Variants in TM9SF3 observed in about 807,000 individuals in gnomAD.
TM9SF3 encodes SM-11044-binding protein.
Under a neutral mutation model 78.6 loss-of-function variants are expected in TM9SF3, and 14 were observed. The ratio of observed to expected loss-of-function variants is 0.18; its 90% CI spans 0.12 to 0.28. The LOEUF (loss-of-function observed/expected upper bound fraction) is 0.28, where lower values mean the gene tolerates loss of function less well. Among genes scored for constraint, TM9SF3 ranks in the 10% least tolerant of loss-of-function variants. TM9SF3 has a pLI of 1.00. For missense variants in TM9SF3, 496 were observed against 721.9 expected (o/e 0.69, Z 3.59); for synonymous variants, 231 against 241.7 (o/e 0.96, Z 0.41).
At position 96,527,337 on chromosome 10, in the gene TM9SF3, T is replaced by G. The variant is rs10786298; in HGVS notation, c.1626-48A>C. 19 of 1,591,032 alleles carry G rather than the reference T, an allele frequency of 1.2e-5. 1 individual carries two copies. In the African/African-American group the frequency reaches 1.8e-4, roughly 15 times the overall value. On this transcript the variant is annotated intron_variant, in intron 13 of 14. Coordinates refer to ENST00000371142, the MANE Select transcript of TM9SF3 (RefSeq NM_020123.4). ...TAGGATATCCAGTTTTACTTTCAAC[T>G]TAAGGCCTTAAATATTAGTATTTAA... is the stretch of plus-strand genomic sequence containing the variant.
At position 96,537,631 on chromosome 10, in the gene TM9SF3, G is replaced by A. The variant is rs925005208; in HGVS notation, c.1186-4441C>T. On this transcript the variant is annotated intron_variant, in intron 9 of 14. Coordinates refer to ENST00000371142, the MANE Select transcript of TM9SF3 (RefSeq NM_020123.4). The stretch of plus-strand genomic sequence containing the variant: ...GCGGATCACCTAAGGTCAGGAGTTC[G>A]AGGCAAGCCTGGCCAACATGGTGAA... 2.0e-5 allele frequency among the ~76,000 whole-genome samples: 3 copies of A among 152,166 alleles called. No homozygotes were observed. The East Asian group carries it at 5.8e-4, about 29-fold the overall frequency.
At chr10:96,571,883 G>A (rs751448674) in intron 2 of TM9SF3, among the ~76,000 whole-genome samples, 2 of 152,264 alleles carry the variant, frequency 1.3e-5, no homozygotes, top group Middle Eastern at 3.4e-3. Context: ...GGGGAAGGAC[G>A]GATGGGTGGT....
rs1426954051 is a variant in TM9SF3 at position 96,521,634 on chromosome 10, T to C, written c.*629A>G. ...AGTTTTAAGATAAATAAATGGGAAG[T>C]TGGTCCAACTAAGATGACAGCAGAT... On this transcript the variant is annotated 3_prime_UTR_variant, in exon 15 of 15. Coordinates refer to ENST00000371142, the MANE Select transcript of TM9SF3 (RefSeq NM_020123.4). 2.6e-5 allele frequency: 4 copies of C among 151,610 alleles called. No homozygotes were observed. The highest frequency in any genetic ancestry group is 7.3e-5 in the African/African-American group (3 of 41,266). 9.4% of individuals were successfully genotyped at this position (151,610 alleles called of 1,614,324 possible). A position where few individuals can be genotyped will look rare whatever the true frequency, so the allele number is the denominator to read the frequency against.
At position 96,540,503 on chromosome 10, in the gene TM9SF3, G is replaced by A. The variant is rs140228166; in HGVS notation, c.1185+3573C>T. On this transcript the variant is annotated intron_variant, in intron 9 of 14. Coordinates refer to ENST00000371142, the MANE Select transcript of TM9SF3 (RefSeq NM_020123.4). ...ACTCCTGTACAATCAACTGCCTTGCGTATCTTAGGCTTCACTTCCCTCTTA... is the reference window on the plus strand; with the variant it reads ...ACTCCTGTACAATCAACTGCCTTGCATATCTTAGGCTTCACTTCCCTCTTA... Among the ~76,000 whole-genome samples the A allele has an allele frequency of 2.0e-5, 3 of 152,112 alleles. No individual in the cohort carries two copies. In the East Asian group the frequency reaches 5.8e-4, roughly 29 times the overall value.
At chr10:96,545,378 G>A (rs188213541) in intron 8 of TM9SF3, among the ~76,000 whole-genome samples, 111 of 152,130 alleles carry the variant, frequency 7.3e-4, no homozygotes, top group African/African-American at 2.5e-3. Context: ...AAATCATAAC[G>A]TTCCTCCAGA....
intron 4 of TM9SF3, chr10:96,560,550 G>A: frequency 1.4e-6 from 1 of 702,208 alleles, no homozygotes; most frequent in African/African-American, 1.7e-5. Flanking sequence ...GGAGGAAGAT[G>A]CAGAATCAGA....
At chr10:96,537,404 A>C (rs1374071868) in intron 9 of TM9SF3, among the ~76,000 whole-genome samples, 1 of 152,254 alleles carries the variant, frequency 6.6e-6, no homozygotes, top group Non-Finnish European at 1.5e-5. Context: ...GTAGGAGGCT[A>C]TACCATCTAG....
chr10:96,579,519 G>A (rs1459662524), intron 1 of TM9SF3, among the ~76,000 whole-genome samples: 4 of 152,178 alleles, frequency 2.6e-5, no homozygotes, highest in African/African-American at 7.2e-5. Flanking sequence ...GGTCCCAGTC[G>A]ATGTTAAACC....
chr10:96,540,972 T>C (rs1450055847), intron 9 of TM9SF3, among the ~76,000 whole-genome samples: 1 of 151,868 alleles, frequency 6.6e-6, no homozygotes, highest in African/African-American at 2.4e-5. Context: ...GAGACGGGGT[T>C]TCACCACATT....
At chr10:96,570,308 A>G (rs1392860564) in intron 2 of TM9SF3, among the ~76,000 whole-genome samples, 1 of 152,262 alleles carries the variant, frequency 6.6e-6, no homozygotes, top group Non-Finnish European at 1.5e-5. Flanking sequence ...GGATAAACAC[A>G]AACACAGAAG....
At chr10:96,540,901 C>T (rs193083778) in intron 9 of TM9SF3, among the ~76,000 whole-genome samples, 270 of 151,122 alleles carry the variant, frequency 1.8e-3, no homozygotes, top group Non-Finnish European at 1.4e-3. Flanking sequence ...CCTCAGCCTC[C>T]CGAGTAGCTG....
chr10:96,527,597 C>A, intron 12 of TM9SF3, 101 bp from the exon 13 acceptor site: 1 of 895,500 alleles, frequency 1.1e-6, no homozygotes, highest in Non-Finnish European at 1.7e-6. Flanking sequence ...CTTTAAAGTC[C>A]TTTAAAACTT....
At chr10:96,542,374 A>G (rs984598841) in intron 9 of TM9SF3, among the ~76,000 whole-genome samples, 2 of 152,214 alleles carry the variant, frequency 1.3e-5, no homozygotes, top group African/African-American at 4.8e-5. Context: ...TTTACTCACT[A>G]AAGAACAATT....
intron 10 of TM9SF3, 116 bp from the exon 11 acceptor site, chr10:96,530,724 A>C: frequency 2.1e-6 from 2 of 937,248 alleles, no homozygotes; most frequent in Non-Finnish European, 3.1e-6. Flanking sequence ...GGATAGAAAC[A>C]AACCAGTAAA....
At chr10:96,553,796 A>C (rs1234921453) in intron 5 of TM9SF3, among the ~76,000 whole-genome samples, 3 of 152,178 alleles carry the variant, frequency 2.0e-5, no homozygotes, top group Non-Finnish European at 4.4e-5. Context: ...TCAATATTAC[A>C]TCTAGATTCT....
chr10:96,576,463 T>C, intron 2 of TM9SF3, 171 bp downstream of exon 2: 2 of 490,086 alleles, frequency 4.1e-6, no homozygotes. Flanking sequence ...AACTGGAAGG[T>C]GCTACTGGCA....
chr10:96,583,483 T>C (rs978255674), intron 1 of TM9SF3, among the ~76,000 whole-genome samples: 4 of 152,218 alleles, frequency 2.6e-5, no homozygotes, highest in African/African-American at 9.6e-5. Context: ...AAAATCAATA[T>C]AGAGAACCAC....
At chr10:96,527,671 T>C (rs1239338364) in intron 12 of TM9SF3, 175 bp from the exon 13 acceptor site, 3 of 564,134 alleles carry the variant, frequency 5.3e-6, no homozygotes, top group East Asian at 3.0e-5. Flanking sequence ...ATCTAAGAAT[T>C]AGAAAGCTCA....
chr10:96,552,900 T>C lies in TM9SF3; in HGVS notation c.792+28A>G, dbSNP rs760140507. 2.0e-6 allele frequency: 3 copies of C among 1,499,146 alleles called. No homozygotes were observed. In the South Asian group the frequency reaches 4.1e-5, roughly 20 times the overall value. 92.9% of individuals were successfully genotyped at this position (1,499,146 alleles called of 1,614,324 possible). On this transcript the variant is annotated intron_variant, in intron 6 of 14. Coordinates refer to ENST00000371142, the MANE Select transcript of TM9SF3 (RefSeq NM_020123.4). ...ACTTAACACTCAGTTAAAATGTTTC[T>C]ACAAATATAATGTAAATGTTTACTC... is the stretch of plus-strand genomic sequence containing the variant.
Sources: gnomAD v4.1 joint callset for allele counts (sites outside exome capture counted in the v4.1 genomes callset) on GRCh38, gnomAD v4.1.1 for gene constraint, MANE v1.5 for transcripts, NCBI Gene and HGNC (gene_info 2026-07-23, HGNC 2026-07-21) for gene names.